Variants in SI observed in about 807,000 individuals in gnomAD.
The protein encoded by SI is sucrase-isomaltase, also known as sucrase-isomaltase, intestinal.
In SI, 235 loss-of-function variants were observed where a neutral mutation model predicts 253.3. The observed-to-expected ratio is 0.93, with a 90% CI of 0.83 to 1.03. The LOEUF is 1.03. SI is among the 50% of genes least tolerant of loss of function. SI has a pLI of 0.00. For missense variants in SI, 2,442 were observed against 2,211.1 expected, an observed-to-expected ratio of 1.10 and a Z score of -2.09; for synonymous variants, 819 against 712.0, an observed-to-expected ratio of 1.15 and a Z score of -2.39.
At chr3:165,047,373 C>T (rs150885876) in intron 15 of SI, among the ~76,000 whole-genome samples, 5,534 of 152,110 alleles carry the variant, frequency 0.036, 154 homozygotes, top group Middle Eastern at 0.099. Flanking sequence ...TGTGAGGCCC[C>T]CCCAGCCATG....
chr3:165,039,413 G>A (rs966768382), intron 19 of SI, among the ~76,000 whole-genome samples: 3 of 152,038 alleles, frequency 2.0e-5, no homozygotes, highest in African/African-American at 7.2e-5. Context: ...TGGTCATTGT[G>A]AATGTGAATA....
At position 165,065,478 on chromosome 3, in the gene SI, T is replaced by G. The variant is rs1158890135; in HGVS notation, c.636-46A>C. The G allele has an allele frequency of 2.0e-4, 53 of 270,398 alleles. 5 individuals are homozygous for G. Among genetic ancestry groups the G allele is most frequent in the East Asian group, 5.0e-4 (3 of 6,048 alleles). 16.7% of individuals were successfully genotyped at this position (270,398 alleles called of 1,614,324 possible). On this transcript the variant is annotated intron_variant, in intron 6 of 47. Transcript: ENST00000264382. ...AGAAATAATCTAATATATATATATA[T>G]ATATATATATATATATGATATTCTA...
upstream of SI, among the ~76,000 whole-genome samples, chr3:165,080,404 G>C (rs1240877653): frequency 1.3e-5 from 2 of 151,866 alleles, no homozygotes; most frequent in Non-Finnish European, 2.9e-5. Flanking sequence ...GTTCTCTCCA[G>C]TTAAAAACTT....
chr3:165,005,310 A>G (rs953181870), intron 37 of SI, among the ~76,000 whole-genome samples: 2 of 152,176 alleles, frequency 1.3e-5, no homozygotes, highest in Non-Finnish European at 1.5e-5. Flanking sequence ...ATGATAGTCA[A>G]TAATAGTTTA....
intron 32 of SI, 95 bp downstream of exon 32, chr3:165,015,857 A>G: frequency 9.2e-7 from 1 of 1,090,724 alleles, no homozygotes; most frequent in Non-Finnish European, 1.4e-6. Flanking sequence ...AAAGTTATAT[A>G]CTTTCTATTT....
intron 17 of SI, among the ~76,000 whole-genome samples, chr3:165,041,643 C>T (rs916203919): frequency 6.6e-6 from 1 of 152,086 alleles, no homozygotes; most frequent in East Asian, 1.9e-4. Context: ...ACAGAGCTAC[C>T]TGGACAGCCT....
chr3:165,043,286 C>A lies in SI; in HGVS notation c.1888-111G>T, dbSNP rs902102421. ...TGTGCCTTATATACAATTTGTTTTA[C>A]TCCTTTTATATATGCTTCCTTAAAC... On this transcript the variant is annotated intron_variant, in intron 16 of 47. Transcript: ENST00000264382. The A allele has an allele frequency of 4.1e-6, 3 of 733,418 alleles. No homozygotes were observed. The East Asian group carries it at 8.2e-5, about 20-fold the overall frequency. The allele number at this position is 733,418 out of a possible 1,614,324, so 45.4% of individuals were successfully genotyped here.
chr3:164,990,532 A>C (rs980772267), intron 44 of SI, among the ~76,000 whole-genome samples: 2 of 152,186 alleles, frequency 1.3e-5, no homozygotes, highest in Non-Finnish European at 2.9e-5. Flanking sequence ...AGGCATTGAC[A>C]GCCTGTCTTC....
chr3:165,017,926 A>G (rs1576888006), intron 29 of SI, 44 bp downstream of exon 29: 1 of 1,584,076 alleles, frequency 6.3e-7, no homozygotes, highest in East Asian at 2.2e-5. Flanking sequence ...AGTTTATGAA[A>G]AAGTCACATA....
chr3:165,055,117 T>C, intron 13 of SI, 77 bp downstream of exon 13: 1 of 870,344 alleles, frequency 1.1e-6, no homozygotes, highest in Non-Finnish European at 1.9e-6. Flanking sequence ...AAAAATATTT[T>C]GTTGACTTAG....
chr3:165,068,968 G>C, intron 4 of SI, 110 bp downstream of exon 4: 1 of 1,044,150 alleles, frequency 9.6e-7, no homozygotes. Context: ...TAAGGAATTT[G>C]AACATTCTCA....
At chr3:165,045,275 C>A (rs563248873) in intron 16 of SI, among the ~76,000 whole-genome samples, 5 of 152,080 alleles carry the variant, frequency 3.3e-5, no homozygotes, top group African/African-American at 1.2e-4. Flanking sequence ...TAGAGAATGC[C>A]TATTCCTAAT....
intron 16 of SI, 27 bp downstream of exon 16, chr3:165,046,814 G>T: frequency 1.3e-6 from 2 of 1,560,172 alleles, no homozygotes; most frequent in Non-Finnish European, 1.8e-6. Context: ...TAGCTTTTAT[G>T]AGTAACACTC....
At chr3:164,992,818 C>A (rs1342534884) in intron 41 of SI, among the ~76,000 whole-genome samples, 2 of 151,788 alleles carry the variant, frequency 1.3e-5, no homozygotes, top group African/African-American at 4.8e-5. Context: ...GTTTGCTTAT[C>A]TTACTTAATA....
At chr3:165,016,811 A>T (rs1405472921) in intron 31 of SI, among the ~76,000 whole-genome samples, 2 of 151,922 alleles carry the variant, frequency 1.3e-5, no homozygotes, top group African/African-American at 4.8e-5. Context: ...CCTCCTTTTA[A>T]ATAATAAATT....
chr3:165,037,550 T>C (rs544455564), intron 21 of SI, among the ~76,000 whole-genome samples: 1 of 151,984 alleles, frequency 6.6e-6, no homozygotes, highest in African/African-American at 2.4e-5. Flanking sequence ...GTATGGAAAT[T>C]CAAATATGTA....
chr3:165,026,590 A>C (rs1711933757), intron 25 of SI, among the ~76,000 whole-genome samples: 2 of 150,496 alleles, frequency 1.3e-5, no homozygotes, highest in African/African-American at 2.4e-5. Context: ...GGGCACAATA[A>C]ATTTAAGAAA....
upstream of SI, among the ~76,000 whole-genome samples, chr3:165,082,134 C>T (rs988458275): frequency 5.3e-5 from 8 of 152,022 alleles, no homozygotes; most frequent in African/African-American, 1.9e-4. Context: ...TAAAGTAGAA[C>T]TCTTTACCAG....
In SI at chr3:165,059,779, G is replaced by A. The variant is rs991824086; in HGVS notation, c.1146+123C>T. The A allele has an allele frequency of 3.0e-6, 3 of 998,982 alleles. No homozygotes were observed. In the African/African-American group the frequency reaches 4.8e-5, roughly 16 times the overall value. 61.9% of individuals were successfully genotyped at this position (998,982 alleles called of 1,614,324 possible). ...GATAAAATATACTTTACAATTAAAA[G>A]GCAGCCTCTTAATTATATGATATAA... On this transcript the variant is annotated intron_variant, in intron 10 of 47. Transcript: ENST00000264382.
Sources: allele counts gnomAD v4.1 joint callset (sites outside exome capture counted in the v4.1 genomes callset), GRCh38; gene constraint gnomAD v4.1.1; transcripts MANE v1.5; gene names NCBI Gene and HGNC (gene_info 2026-07-23, HGNC 2026-07-21).